The following SVIL variants were observed in gnomAD, a reference collection of about 807,000 sequenced individuals.
The protein encoded by SVIL is supervillin.
In SVIL, 101 loss-of-function variants were observed where a neutral mutation model predicts 240.4. The observed-to-expected ratio is 0.42, with a 90% CI of 0.36 to 0.50. SVIL has a LOEUF of 0.50. Ranked by LOEUF, SVIL falls within the 20% of genes least tolerant of loss-of-function variation. The pLI is 0.01. For missense variants in SVIL, 2,512 were observed against 2,818.7 expected (o/e 0.89, Z 2.46); for synonymous variants, 999 against 1,100.0 (o/e 0.91, Z 1.82).
At chr10:29,567,889 T>C (rs1047001867) in intron 2 of SVIL, among the ~76,000 whole-genome samples, 8 of 151,516 alleles carry the variant, frequency 5.3e-5, no homozygotes, top group Admixed American at 2.0e-4. Flanking sequence ...TGGTGGCGGG[T>C]GCCTGTAGTC....
Position 29,458,260 on chromosome 10 carries a change from T to G in SVIL, c.6632A>C (p.Lys2211Thr), listed in dbSNP as rs779169009. The G allele has an allele frequency of 1.2e-6, 2 of 1,614,206 alleles. No homozygotes were observed. Among genetic ancestry groups the G allele is most frequent in the Admixed American group, 3.3e-5 (2 of 60,034 alleles). ...AWKQVNLKKA[K>T]GLF ...GCGTCTCCCCACTCAGAACAGGCCT[T>G]TTGCTTTCTTCAGGTTCACCTGCTT... Residue 2211 changes from lysine (K) to threonine (T), a missense_variant, in exon 38 of 38, where the codon AAA (lysine) becomes ACA (threonine). By Grantham distance (78) the Lys-to-Thr change is moderately conservative. Coordinates refer to ENST00000355867, the MANE Select transcript of SVIL (RefSeq NM_021738.3).
In SVIL at chr10:29,522,608, T is replaced by C. The variant is rs1406684543; in HGVS notation, c.3191A>G (p.Glu1064Gly). 1 of 1,614,106 alleles carries C rather than the reference T, an allele frequency of 6.2e-7. No individual in the cohort carries two copies. The highest frequency in any genetic ancestry group is 2.2e-5 in the East Asian group (1 of 44,870). Residue 1064 changes from glutamate (E) to glycine (G), a missense_variant, in exon 16 of 38, where the codon GAG (glutamate) becomes GGG (glycine). Glu to Gly is a moderately conservative substitution (Grantham distance 98, BLOSUM62 -2). Transcript: ENST00000355867. ...RAAEFGEPTS[E>G]QTGTAAGKTI... is the part of the protein sequence containing the mutation. Reference sequence around the variant, plus strand: ...TTTCCCAGCAGCTGTCCCCGTCTGCTCGGAAGTGGGCTCCCCGAACTCTGC... The same window carrying C: ...TTTCCCAGCAGCTGTCCCCGTCTGCCCGGAAGTGGGCTCCCCGAACTCTGC...
At chr10:29,713,664 G>T (rs10763737) in intron 1 of SVIL, among the ~76,000 whole-genome samples, 29,331 of 152,060 alleles carry the variant, frequency 0.19, 3,502 homozygotes, top group African/African-American at 0.34. Context: ...GAGTGTAGCT[G>T]TGTTCCAATA....
rs754326873 is a variant in SVIL, at chr10:29,470,418, A to T, written c.5701T>A (p.Cys1901Ser). 3 of 1,614,100 alleles carry T rather than the reference A, an allele frequency of 1.9e-6. No individual in the cohort carries two copies. The highest frequency in any genetic ancestry group is 8.5e-7 in the Non-Finnish European group (1 of 1,180,048). The change falls in exon 32 of 38, where the codon TGT (cysteine) becomes AGT (serine). Residue 1901 changes from cysteine (C) to serine (S), a missense_variant. Cys to Ser is a moderately radical substitution (Grantham distance 112, BLOSUM62 -1). This residue lies in a region of SVIL where 797 missense variants were observed against 925.3 expected (regional missense o/e 0.86). Coordinates refer to ENST00000355867, the MANE Select transcript of SVIL (RefSeq NM_021738.3). ...CTGGACCTCAGGCTGCTACAGTGAC[A>T]GGCCACTTCCAGCAAATTCCCTTCC... is the stretch of plus-strand genomic sequence containing the variant. ...PVEGNLLEVA[C>S]HCSSLRSRTS... is the part of the protein sequence containing the mutation.
At chr10:29,566,831 C>T (rs1012087770) in intron 2 of SVIL, among the ~76,000 whole-genome samples, 2 of 152,130 alleles carry the variant, frequency 1.3e-5, no homozygotes, top group African/African-American at 4.8e-5. Context: ...CTGGATCCTG[C>T]CCTTCCTCCT....
chr10:29,624,493 G>A (rs754003682), intron 1 of SVIL, among the ~76,000 whole-genome samples: 4 of 152,020 alleles, frequency 2.6e-5, no homozygotes, highest in Non-Finnish European at 4.4e-5. Flanking sequence ...AGCTGAGATC[G>A]ATCATGTCAG....
chr10:29,603,801 A>C (rs1206006257), intron 1 of SVIL, among the ~76,000 whole-genome samples: 1 of 152,026 alleles, frequency 6.6e-6, no homozygotes, highest in Non-Finnish European at 1.5e-5. Context: ...CAAATGACCT[A>C]ACTGTTATTT....
intron 1 of SVIL, among the ~76,000 whole-genome samples, chr10:29,592,204 A>G (rs1956417480): frequency 6.6e-6 from 1 of 152,204 alleles, no homozygotes; most frequent in South Asian, 2.1e-4. Flanking sequence ...GTGAGGCAAG[A>G]TGGTGCCACT....
At chr10:29,608,326 G>C (rs1957101357) in intron 1 of SVIL, among the ~76,000 whole-genome samples, 1 of 152,264 alleles carries the variant, frequency 6.6e-6, no homozygotes, top group Admixed American at 6.5e-5. Flanking sequence ...GGCAGCAGTG[G>C]CCCATCTGGG....
intron 2 of SVIL, among the ~76,000 whole-genome samples, chr10:29,666,419 AG>A (rs1360313719): frequency 2.0e-5 from 3 of 152,218 alleles, no homozygotes; most frequent in Non-Finnish European, 2.9e-5. Context: ...TCACTGCAAA[AG>A]TCCCAACATA....
intron 1 of SVIL, among the ~76,000 whole-genome samples, chr10:29,687,136 A>T (rs1006316882): frequency 6.6e-6 from 1 of 152,208 alleles, no homozygotes; most frequent in East Asian, 1.9e-4. Context: ...CCCATAAACA[A>T]GGACATGCCA....
intron 1 of SVIL, among the ~76,000 whole-genome samples, chr10:29,713,416 T>C (rs1163971827): frequency 6.6e-6 from 1 of 152,204 alleles, no homozygotes; most frequent in Non-Finnish European, 1.5e-5. Flanking sequence ...ATTAAAAATG[T>C]GTTGCTTCTG....
rs137977025 is a variant in SVIL, at chr10:29,640,001, G to A, written c.-201+17968C>T. ...AAGAGATGAGGCTTCTTTTCAGTTCGTTGACGAGGCAGCACAAGCCCAGAA... is the reference window on the plus strand; with the variant it reads ...AAGAGATGAGGCTTCTTTTCAGTTCATTGACGAGGCAGCACAAGCCCAGAA... On this transcript the variant is annotated intron_variant, in intron 3 of 35. Transcript: ENST00000375400. Among the ~76,000 whole-genome samples, 705 of 152,244 alleles carry A rather than the reference G, an allele frequency of 4.6e-3. 6 individuals carry two copies. Among genetic ancestry groups the A allele is most frequent in the African/African-American group, 0.015 (635 of 41,554 alleles).
At chr10:29,511,390 G>T (rs74130785) in intron 17 of SVIL, among the ~76,000 whole-genome samples, 1 of 126,254 alleles carries the variant, frequency 7.9e-6, no homozygotes. Flanking sequence ...CTGATGGGCC[G>T]GGGAGTCTCT....
At chr10:29,642,379 G>A (rs1051059105) in intron 3 of SVIL, among the ~76,000 whole-genome samples, 38 of 151,450 alleles carry the variant, frequency 2.5e-4, no homozygotes, top group African/African-American at 8.0e-4. Flanking sequence ...ACAACAGAGT[G>A]AGACTCTGCC....
At chr10:29,700,191 G>A (rs1180144569) in intron 1 of SVIL, among the ~76,000 whole-genome samples, 1 of 152,152 alleles carries the variant, frequency 6.6e-6, no homozygotes, top group East Asian at 1.9e-4. Flanking sequence ...TGGGAATGTT[G>A]AGACCCTAAC....
intron 6 of SVIL, among the ~76,000 whole-genome samples, chr10:29,538,827 G>C (rs1386860252): frequency 6.6e-6 from 1 of 152,196 alleles, no homozygotes; most frequent in African/African-American, 2.4e-5. Flanking sequence ...CCCATTCTAA[G>C]TTGAGGAACA....
intron 23 of SVIL, chr10:29,487,565 C>T: frequency 2.7e-6 from 1 of 370,092 alleles, no homozygotes; most frequent in Non-Finnish European, 4.9e-6. Flanking sequence ...TTAATGAAGG[C>T]TCCCCCTTCC....
At chr10:29,663,953 C>T (rs1014049506) in intron 2 of SVIL, among the ~76,000 whole-genome samples, 1 of 152,162 alleles carries the variant, frequency 6.6e-6, no homozygotes, top group Admixed American at 6.5e-5. Context: ...AACCACAATC[C>T]TCCCTGGTGA....
Sources: gnomAD v4.1 joint callset for allele counts (sites outside exome capture counted in the v4.1 genomes callset) on GRCh38, gnomAD v4.1.1 for gene constraint, gnomAD v4.1.1 regional missense constraint, MANE v1.5 for transcripts, NCBI Gene and HGNC (gene_info 2026-07-23, HGNC 2026-07-21) for gene names.